CDK14: variants seen among roughly 807,000 people sequenced by gnomAD.
CDK14 encodes cyclin-dependent kinase 14.
CDK14 carries 34 observed loss-of-function variants against 60.7 expected under a neutral mutation model. The ratio of observed to expected loss-of-function variants is 0.56; its 90% confidence interval spans 0.43 to 0.75. The LOEUF (loss-of-function observed/expected upper bound fraction) is 0.75. Ranked by LOEUF, CDK14 falls within the 30% of genes least tolerant of loss-of-function variation. The pLI, the probability that CDK14 is intolerant of heterozygous loss-of-function variation, is 0.00. For missense variants in CDK14, 482 were observed against 564.1 expected (o/e 0.85, Z 1.47); for synonymous variants, 197 against 203.7 (o/e 0.97, Z 0.28).
chr7:90,751,572 A>G (rs1199440565), intron 4 of CDK14, among the ~76,000 whole-genome samples: 3 of 152,224 alleles, frequency 2.0e-5, no homozygotes, highest in Admixed American at 6.5e-5. Flanking sequence ...AAACACACAT[A>G]AGTACATGGC....
intron 11 of CDK14, among the ~76,000 whole-genome samples, chr7:91,079,082 C>T (rs1047338852): frequency 1.3e-5 from 2 of 152,060 alleles, no homozygotes; most frequent in Non-Finnish European, 2.9e-5. Flanking sequence ...TCTCACTTGA[C>T]GAAATGTGTT....
intron 12 of CDK14, among the ~76,000 whole-genome samples, chr7:91,098,499 T>TA (rs772327497): frequency 1.3e-5 from 1 of 76,780 alleles, no homozygotes; most frequent in Non-Finnish European, 2.9e-5. Context: ...GAACTTAAAA[T>TA]AAAAAAAGAA....
chr7:90,927,137 G>T (rs535173811), intron 8 of CDK14, among the ~76,000 whole-genome samples: 1 of 152,222 alleles, frequency 6.6e-6, no homozygotes, highest in East Asian at 1.9e-4. Flanking sequence ...CTAGATGATT[G>T]ATTAAATAAT....
At chr7:90,928,223 C>T (rs1453922579) in intron 8 of CDK14, among the ~76,000 whole-genome samples, 1 of 152,216 alleles carries the variant, frequency 6.6e-6, no homozygotes, top group African/African-American at 2.4e-5. Flanking sequence ...TCTTTCAACT[C>T]ATCAAAGTCA....
intron 2 of CDK14, among the ~76,000 whole-genome samples, chr7:90,629,575 C>T (rs1172409283): frequency 1.3e-5 from 2 of 152,162 alleles, no homozygotes; most frequent in Non-Finnish European, 2.9e-5. Context: ...AAGTGTGCTA[C>T]TGGTGTTTGG....
At chr7:90,687,029 T>G (rs926789124) in intron 2 of CDK14, among the ~76,000 whole-genome samples, 5 of 152,134 alleles carry the variant, frequency 3.3e-5, no homozygotes, top group African/African-American at 1.2e-4. Context: ...TGTGAATACA[T>G]GATCTAGTTG....
intron 4 of CDK14, among the ~76,000 whole-genome samples, chr7:90,781,099 C>T (rs1805298384): frequency 6.6e-6 from 1 of 152,150 alleles, no homozygotes; most frequent in African/African-American, 2.4e-5. Flanking sequence ...GCCATTCTAA[C>T]TGGTGTGAGA....
intron 14 of CDK14, among the ~76,000 whole-genome samples, chr7:91,156,461 C>CT (rs922008452): frequency 1.1e-4 from 16 of 149,458 alleles, no homozygotes; most frequent in Non-Finnish European, 8.9e-5. Flanking sequence ...AGATCCTTTT[C>CT]TTTTTTTTTT....
intron 6 of CDK14, among the ~76,000 whole-genome samples, chr7:90,885,936 G>T (rs1258100223): frequency 6.6e-6 from 1 of 152,034 alleles, no homozygotes; most frequent in Admixed American, 6.6e-5. Flanking sequence ...AGGGAACTTA[G>T]AGGACGGGTC....
At chr7:90,985,122 G>A (rs562788266) in intron 10 of CDK14, among the ~76,000 whole-genome samples, 2 of 152,160 alleles carry the variant, frequency 1.3e-5, no homozygotes, top group Admixed American at 6.5e-5. Flanking sequence ...GTATACATGA[G>A]CTCTCTGTAT....
At chr7:91,033,443 G>T (rs528074862) in intron 10 of CDK14, among the ~76,000 whole-genome samples, 1 of 152,160 alleles carries the variant, frequency 6.6e-6, no homozygotes, top group Non-Finnish European at 1.5e-5. Flanking sequence ...TTTTTAGGTC[G>T]AAAAGTCCAA....
chr7:90,779,738 T>C (rs953270380), intron 4 of CDK14, among the ~76,000 whole-genome samples: 2 of 152,198 alleles, frequency 1.3e-5, no homozygotes, highest in Non-Finnish European at 2.9e-5. Context: ...CCGGACCTTA[T>C]ATTACTTTAT....
intron 14 of CDK14, among the ~76,000 whole-genome samples, chr7:91,189,304 C>T (rs1802282541): frequency 6.6e-6 from 1 of 152,102 alleles, no homozygotes; most frequent in Admixed American, 6.6e-5. Context: ...ATTAAGGGGT[C>T]AGCAGTTCTT....
chr7:90,953,704 A>G (rs1356201875), intron 8 of CDK14, among the ~76,000 whole-genome samples: 1 of 152,124 alleles, frequency 6.6e-6, no homozygotes, highest in Non-Finnish European at 1.5e-5. Context: ...CTTTCTGACA[A>G]CAGGGCCTCA....
chr7:90,617,255 A>G (rs985998731), intron 2 of CDK14, among the ~76,000 whole-genome samples: 3 of 152,066 alleles, frequency 2.0e-5, no homozygotes, highest in Non-Finnish European at 4.4e-5. Flanking sequence ...TGACTTGCTC[A>G]GAGTCCCTTA....
chr7:91,148,271 G>A (rs1800717880), intron 14 of CDK14, among the ~76,000 whole-genome samples: 1 of 152,108 alleles, frequency 6.6e-6, no homozygotes, highest in Admixed American at 6.5e-5. Context: ...TGTGGTCCCA[G>A]CTGAGGTGGG....
At chr7:90,606,534 A>G (rs987712030) in intron 2 of CDK14, among the ~76,000 whole-genome samples, 1 of 152,202 alleles carries the variant, frequency 6.6e-6, no homozygotes, top group African/African-American at 2.4e-5. Flanking sequence ...TGGAAGGGCT[A>G]CAGAGTAGAT....
intron 10 of CDK14, among the ~76,000 whole-genome samples, chr7:91,041,655 C>T (rs1797093761): frequency 6.6e-6 from 1 of 152,194 alleles, no homozygotes; most frequent in Admixed American, 6.5e-5. Context: ...CTCTTGAATT[C>T]CATCTTTTGA....
At chr7:90,739,477 T>C (rs1361019364) in intron 3 of CDK14, among the ~76,000 whole-genome samples, 1 of 152,136 alleles carries the variant, frequency 6.6e-6, no homozygotes, top group Admixed American at 6.5e-5. Flanking sequence ...TTTAATATGG[T>C]CTATGTCTTA....
Sources: gnomAD v4.1 joint callset for allele counts (sites outside exome capture counted in the v4.1 genomes callset) on GRCh38, gnomAD v4.1.1 for gene constraint, MANE v1.5 for transcripts, NCBI Gene and HGNC (gene_info 2026-07-23, HGNC 2026-07-21) for gene names.